Variants in RMND1 observed in about 807,000 individuals in gnomAD.
RMND1 encodes the protein required for meiotic nuclear division protein 1 homolog.
RMND1 carries 41 observed loss-of-function variants against 54.0 expected under a neutral mutation model. That is an observed-to-expected ratio of 0.76 (90% CI 0.59 to 0.98). The LOEUF (loss-of-function observed/expected upper bound fraction) is 0.98, where lower values mean the gene tolerates loss of function less well. Ranked by LOEUF, RMND1 falls within the 50% of genes least tolerant of loss-of-function variation. The pLI is 0.00. For missense variants in RMND1, 457 were observed against 532.0 expected (o/e 0.86, Z 1.39); for synonymous variants, 183 against 181.7 (o/e 1.01, Z -0.06).
intron 1 of RMND1, among the ~76,000 whole-genome samples, chr6:151,449,649 C>A (rs1456053165): frequency 6.6e-6 from 1 of 151,932 alleles, no homozygotes; most frequent in Non-Finnish European, 1.5e-5. Context: ...TCTCCCTCCT[C>A]TCCCTCTCCC....
At chr6:151,415,307 C>A (rs1779971043) in intron 10 of RMND1, among the ~76,000 whole-genome samples, 1 of 150,642 alleles carries the variant, frequency 6.6e-6, no homozygotes, top group Admixed American at 6.6e-5. Context: ...ATCCAATCAT[C>A]CATTAGGGAA....
chr6:151,406,146 CAT>C (rs796561601), intron 10 of RMND1, among the ~76,000 whole-genome samples: 10 of 152,118 alleles, frequency 6.6e-5, no homozygotes, highest in South Asian at 2.1e-4. Context: ...AAACTTGAAA[CAT>C]AATGTTTTTT....
At chr6:151,428,090 G>A (rs1315201493) in intron 5 of RMND1, among the ~76,000 whole-genome samples, 1 of 152,090 alleles carries the variant, frequency 6.6e-6, no homozygotes, top group African/African-American at 2.4e-5. Context: ...GTCAGCCGGT[G>A]TGACAGAGCA....
intron 10 of RMND1, among the ~76,000 whole-genome samples, chr6:151,410,307 G>T (rs1210916084): frequency 6.6e-6 from 1 of 152,050 alleles, no homozygotes; most frequent in South Asian, 2.1e-4. Context: ...CGCCCTCCTT[G>T]GCCTCCCAAA....
intron 2 of RMND1, among the ~76,000 whole-genome samples, chr6:151,439,959 CTATT>C (rs1304947381): frequency 6.6e-6 from 1 of 152,048 alleles, no homozygotes; most frequent in African/African-American, 2.4e-5. Flanking sequence ...CGCACCCGGC[CTATT>C]TATTATTTTT....
At chr6:151,434,871 CAG>C (rs1247653953) in intron 3 of RMND1, among the ~76,000 whole-genome samples, 2 of 152,142 alleles carry the variant, frequency 1.3e-5, no homozygotes, top group Non-Finnish European at 2.9e-5. Flanking sequence ...ATTTTTGAGA[CAG>C]AGTCTCGCTC....
intron 2 of RMND1, among the ~76,000 whole-genome samples, chr6:151,437,178 G>C (rs1170941817): frequency 6.6e-6 from 1 of 152,164 alleles, no homozygotes; most frequent in Non-Finnish European, 1.5e-5. Context: ...TAAGCACTAT[G>C]GCTCAATGCT....
chr6:151,450,583 G>T (rs1349099817), intron 1 of RMND1, among the ~76,000 whole-genome samples: 10 of 145,274 alleles, frequency 6.9e-5, no homozygotes, highest in East Asian at 4.3e-4. Flanking sequence ...GAGGTGGGGG[G>T]GTCAGCCCCC....
intron 10 of RMND1, among the ~76,000 whole-genome samples, chr6:151,416,338 G>A (rs1464919013): frequency 6.7e-6 from 1 of 150,254 alleles, no homozygotes; most frequent in Non-Finnish European, 1.5e-5. Context: ...AAATGTCACA[G>A]AACTATGTGC....
chr6:151,445,094 A>G, intron 2 of RMND1: 1 of 493,066 alleles, frequency 2.0e-6, no homozygotes, highest in Non-Finnish European at 3.5e-6. Context: ...TTCATGTGTT[A>G]TCACCTGTAT....
At chr6:151,451,156 C>G (rs1333095715) in intron 1 of RMND1, among the ~76,000 whole-genome samples, 1 of 150,104 alleles carries the variant, frequency 6.7e-6, no homozygotes, top group African/African-American at 2.5e-5. Flanking sequence ...TCCTATGACC[C>G]TGCCAAATCC....
At chr6:151,432,362 T>C (rs1423373354) in intron 4 of RMND1, among the ~76,000 whole-genome samples, 2 of 152,180 alleles carry the variant, frequency 1.3e-5, no homozygotes, top group Admixed American at 6.5e-5. Context: ...CTTGATTCTC[T>C]CTAAAGATGG....
chr6:151,417,382 C>T lies in RMND1; in HGVS notation c.1097G>A (p.Ser366Asn). Residue 366 changes from serine to asparagine, a missense_variant, in exon 10 of 12, where the codon AGT becomes AAT. By Grantham distance (46) the Ser-to-Asn change is conservative. Coordinates refer to ENST00000444024, the MANE Select transcript of RMND1 (RefSeq NM_017909.4). ...LFALRHRINLSSDFLITPDFY... is the reference protein window; with the variant it reads ...LFALRHRINLNSDFLITPDFY... ...ATCAGGAGTAATCAGGAAGTCTGAA[C>T]TCAAGTTTATACGGTGCCTTTAAAA... 3 of 1,606,660 alleles carry T rather than the reference C, an allele frequency of 1.9e-6. No homozygotes were observed. Among genetic ancestry groups the T allele is most frequent in the Non-Finnish European group, 2.6e-6 (3 of 1,176,274 alleles).
intron 6 of RMND1, among the ~76,000 whole-genome samples, chr6:151,424,463 CAA>C (rs35635686): frequency 1.7e-4 from 18 of 103,414 alleles, no homozygotes; most frequent in Admixed American, 2.1e-4. Flanking sequence ...ACTCTGTCTC[CAA>C]AAAAAAAAAA....
intron 9 of RMND1, among the ~76,000 whole-genome samples, chr6:151,418,259 C>T (rs1260835128): frequency 6.6e-6 from 1 of 152,016 alleles, no homozygotes. Context: ...ACAAAAAATA[C>T]AAGAACTAGC....
chr6:151,448,287 A>G (rs758545030), intron 1 of RMND1, among the ~76,000 whole-genome samples: 1 of 151,916 alleles, frequency 6.6e-6, no homozygotes, highest in Non-Finnish European at 1.5e-5. Context: ...CACTCCTTCT[A>G]TTACCCAATT....
chr6:151,412,306 C>A (rs1779868994), intron 10 of RMND1, among the ~76,000 whole-genome samples: 1 of 150,568 alleles, frequency 6.6e-6, no homozygotes, highest in East Asian at 1.9e-4. Context: ...CTGGCCATAA[C>A]TTGCTTTTTA....
At chr6:151,448,395 G>A (rs1299018626) in intron 1 of RMND1, among the ~76,000 whole-genome samples, 1 of 115,876 alleles carries the variant, frequency 8.6e-6, no homozygotes, top group Non-Finnish European at 1.6e-5. Flanking sequence ...TCCATATCCA[G>A]TTTACACTCC....
chr6:151,450,943 A>G (rs1781161789), intron 1 of RMND1, among the ~76,000 whole-genome samples: 1 of 152,144 alleles, frequency 6.6e-6, no homozygotes, highest in African/African-American at 2.4e-5. Flanking sequence ...GTGTCCACTC[A>G]GAGTTGAATG....
Sources: allele counts gnomAD v4.1 joint callset (sites outside exome capture counted in the v4.1 genomes callset), GRCh38; gene constraint gnomAD v4.1.1; transcripts MANE v1.5; gene names NCBI Gene and HGNC (gene_info 2026-07-23, HGNC 2026-07-21).